STK33: variants seen among roughly 807,000 people sequenced by gnomAD.
STK33 encodes serine/threonine kinase 33, also known as serine/threonine-protein kinase 33.
A neutral mutation model predicts 58.0 loss-of-function variants in STK33; 52 were observed. The observed-to-expected ratio is 0.90, with a 90% CI of 0.72 to 1.13. The LOEUF (loss-of-function observed/expected upper bound fraction) is 1.13. Among genes scored for constraint, STK33 ranks in the 50% most tolerant of loss-of-function variants. The probability of loss-of-function intolerance (pLI) is 0.00; values close to 1 mark genes in which losing one functional copy is unlikely to be tolerated. For missense variants in STK33, 630 were observed against 604.2 expected, an observed-to-expected ratio of 1.04 and a Z score of -0.45; for synonymous variants, 215 against 200.1, an observed-to-expected ratio of 1.07 and a Z score of -0.63.
At chr11:8,515,346 T>C (rs898154876) in intron 1 of STK33, among the ~76,000 whole-genome samples, 2 of 152,096 alleles carry the variant, frequency 1.3e-5, no homozygotes, top group African/African-American at 4.8e-5. Context: ...ACATAGAACC[T>C]ACCAAGATAA....
At chr11:8,395,313 T>C (rs879783659) in intron 15 of STK33, among the ~76,000 whole-genome samples, 4 of 152,300 alleles carry the variant, frequency 2.6e-5, no homozygotes, top group Non-Finnish European at 5.9e-5. Context: ...AATCTGATGG[T>C]TTTATAAAGG....
intron 15 of STK33, among the ~76,000 whole-genome samples, chr11:8,398,670 T>C (rs185704089): frequency 0.011 from 1,719 of 152,106 alleles, 39 homozygotes; most frequent in African/African-American, 0.037. Flanking sequence ...GACTGGCAAA[T>C]TGGATAAAGA....
At chr11:8,343,036 G>A in the STK33 span, among the ~76,000 whole-genome samples, 3 of 152,216 alleles carry the variant, frequency 2.0e-5, no homozygotes, top group Admixed American at 6.5e-5. Flanking sequence ...TAAGAAGTCC[G>A]CTGGGAGAAG....
chr11:8,453,691 C>G (rs751210665), intron 10 of STK33, among the ~76,000 whole-genome samples: 1 of 152,208 alleles, frequency 6.6e-6, no homozygotes, highest in Non-Finnish European at 1.5e-5. Context: ...AAAACAGACA[C>G]ATTTATTGAT....
intron 15 of STK33, among the ~76,000 whole-genome samples, chr11:8,412,361 A>G (rs1940401895): frequency 6.6e-6 from 1 of 152,260 alleles, no homozygotes; most frequent in African/African-American, 2.4e-5. Flanking sequence ...CAATGAGCTT[A>G]TGTCTACATT....
rs771816386 is a variant in STK33 at position 8,440,708 on chromosome 11, A to G, written c.917T>C (p.Ile306Thr). 2.2e-5 allele frequency: 34 copies of G among 1,571,096 alleles called. No homozygotes were observed. In the South Asian group the frequency reaches 3.7e-4, roughly 17 times the overall value. ...GTACATTACGACGCCTATGCTCCAAATGTCACACTGCTGGCTATAGTCGTG... is the reference window on the plus strand; with the variant it reads ...GTACATTACGACGCCTATGCTCCAAGTGTCACACTGCTGGCTATAGTCGTG... The part of the protein sequence containing the change: ...SAHDYSQQCD[I>T]WSIGVVMYML... The change falls in exon 12 of 16, where the codon ATT (isoleucine) becomes ACT (threonine). Residue 306 changes from isoleucine to threonine, a missense_variant. Physicochemically the swap from Ile to Thr is moderately conservative, Grantham distance 89. Coordinates refer to ENST00000687296, the MANE Select transcript of STK33 (RefSeq NM_001352389.2).
At chr11:8,418,608 T>C (rs1265884950) in intron 14 of STK33, among the ~76,000 whole-genome samples, 1 of 152,214 alleles carries the variant, frequency 6.6e-6, no homozygotes, top group Non-Finnish European at 1.5e-5. Context: ...TACCCAGTAA[T>C]GGGATTGCTG....
At chr11:8,404,137 A>T (rs140945929) in intron 15 of STK33, among the ~76,000 whole-genome samples, 6 of 152,376 alleles carry the variant, frequency 3.9e-5, no homozygotes, top group Admixed American at 3.3e-4. Context: ...GAAGGGAAAG[A>T]AAAGCTAAGG....
chr11:8,452,323 AAAT>A, intron 11 of STK33, among the ~76,000 whole-genome samples: 1 of 152,332 alleles, frequency 6.6e-6, no homozygotes, highest in East Asian at 1.9e-4. Flanking sequence ...GAGCCCAGAG[AAAT>A]AACAAAATTT....
intron 1 of STK33, among the ~76,000 whole-genome samples, chr11:8,536,972 A>AATC (rs1565305538): frequency 9.1e-5 from 6 of 65,734 alleles, no homozygotes; most frequent in Non-Finnish European, 1.5e-4. Context: ...AAAAAAAAAG[A>AATC]TTTTTTTTTT....
chr11:8,413,837 T>C, intron 14 of STK33, 145 bp from the exon 15 acceptor site: 1 of 734,816 alleles, frequency 1.4e-6, no homozygotes, highest in South Asian at 1.9e-5. Flanking sequence ...AAACTTCTGA[T>C]GACCACTGGA....
chr11:8,556,435 C>T (rs1320691710), intron 1 of STK33, among the ~76,000 whole-genome samples: 1 of 152,160 alleles, frequency 6.6e-6, no homozygotes, highest in African/African-American at 2.4e-5. Flanking sequence ...AACTGTCTTG[C>T]TCATAGACTA....
chr11:8,411,461 G>T (rs564710402), intron 15 of STK33, among the ~76,000 whole-genome samples: 52 of 152,284 alleles, frequency 3.4e-4, no homozygotes, highest in African/African-American at 1.1e-3. Context: ...AAGTGCTTTT[G>T]CTTTTGTTTT....
chr11:8,435,078 C>T (rs1020712899), intron 14 of STK33, among the ~76,000 whole-genome samples: 2 of 152,146 alleles, frequency 1.3e-5, no homozygotes, highest in Non-Finnish European at 2.9e-5. Context: ...CAGGAGACTG[C>T]CACTGTTTGG....
the STK33 span, among the ~76,000 whole-genome samples, chr11:8,344,840 C>T: frequency 6.6e-6 from 1 of 152,194 alleles, no homozygotes; most frequent in African/African-American, 2.4e-5. Flanking sequence ...GGCTGTGCTT[C>T]CTCGCTCAGC....
the STK33 span, among the ~76,000 whole-genome samples, chr11:8,355,332 A>C: frequency 1.3e-5 from 2 of 152,250 alleles, no homozygotes; most frequent in Admixed American, 1.3e-4. Context: ...TTGTGCATGG[A>C]AATGTGGCTG....
chr11:8,508,221 A>ACACACATACAT (rs1952018814), intron 1 of STK33, among the ~76,000 whole-genome samples: 1 of 150,884 alleles, frequency 6.6e-6, no homozygotes, highest in Non-Finnish European at 1.5e-5. Context: ...ATGACCCAAC[A>ACACACATACAT]CACACATACA....
chr11:8,379,487 A>C, the STK33 span, among the ~76,000 whole-genome samples: 1 of 152,152 alleles, frequency 6.6e-6, no homozygotes, highest in Admixed American at 6.5e-5. Flanking sequence ...AGGAAAAGAC[A>C]TGAACAGACA....
Position 8,474,682 on chromosome 11 carries a change from A to T in STK33, c.224T>A (p.Leu75Ter). The T allele has an allele frequency of 6.2e-7, 1 of 1,600,132 alleles. No homozygotes were observed. ...AGATGTGGAATCTTTGATATTTACCAAATCTTTCCTGGAGGTTATATCTCT... is the reference window on the plus strand; with the variant it reads ...AGATGTGGAATCTTTGATATTTACCTAATCTTTCCTGGAGGTTATATCTCT... Reference protein sequence around the residue: ...INRDITSRKDLPSRTSNVERK... With the variant: ...INRDITSRKD Residue 75 changes from leucine to a stop codon, truncating the protein, a stop_gained and splice_region_variant, in exon 5 of 16, where the codon TTG (leucine) becomes TAG (stop). Coordinates refer to ENST00000687296, the MANE Select transcript of STK33 (RefSeq NM_001352389.2). LOFTEE classifies it high-confidence loss of function.
Sources: allele counts gnomAD v4.1 joint callset (sites outside exome capture counted in the v4.1 genomes callset), GRCh38; gene constraint gnomAD v4.1.1; transcripts MANE v1.5; gene names NCBI Gene and HGNC (gene_info 2026-07-23, HGNC 2026-07-21).